The following SUPT7L variants were observed in gnomAD, a reference collection of about 807,000 sequenced individuals.
SUPT7L encodes STAGA complex 65 subunit gamma.
Under a neutral mutation model 35.7 loss-of-function variants are expected in SUPT7L, and 15 were observed. The ratio of observed to expected loss-of-function variants is 0.42; its 90% CI spans 0.28 to 0.65. The LOEUF is 0.65. Ranked by LOEUF, SUPT7L falls within the 30% of genes least tolerant of loss-of-function variation. The pLI is 0.23. For synonymous variants in SUPT7L, 168 were observed against 186.2 expected (o/e 0.90, Z 0.79); for missense variants, 434 against 522.2 (o/e 0.83, Z 1.65).
chr2:27,656,844 G>A (rs899692276), intron 4 of SUPT7L, among the ~76,000 whole-genome samples: 9 of 151,894 alleles, frequency 5.9e-5, no homozygotes, highest in Non-Finnish European at 1.3e-4. Flanking sequence ...TCACTATATT[G>A]TCCAGGCTGG....
intron 2 of SUPT7L, chr2:27,661,878 A>G (rs1267591695): frequency 2.2e-6 from 1 of 461,108 alleles, no homozygotes; most frequent in African/African-American, 2.0e-5. Context: ...GGTTAAAGAT[A>G]ATAAGAAGTG....
chr2:27,654,718 C>G (rs567696747), intron 5 of SUPT7L, among the ~76,000 whole-genome samples: 1 of 152,176 alleles, frequency 6.6e-6, no homozygotes, highest in African/African-American at 2.4e-5. Flanking sequence ...GGGTGCCCAC[C>G]ACCACGCCCA....
chr2:27,644,050 C>G, the SUPT7L span, among the ~76,000 whole-genome samples: 1 of 152,086 alleles, frequency 6.6e-6, no homozygotes. Context: ...CGTGGTCGTG[C>G]ATGTCTGTAA....
downstream of SUPT7L, among the ~76,000 whole-genome samples, chr2:27,649,036 G>A (rs1674379933): frequency 6.6e-6 from 1 of 151,626 alleles, no homozygotes; most frequent in South Asian, 2.1e-4. Flanking sequence ...CTGAGGCCAG[G>A]AGTTCAAGAC....
At chr2:27,649,223 T>C (rs1297618353), downstream of SUPT7L, among the ~76,000 whole-genome samples, 1 of 150,692 alleles carries the variant, frequency 6.6e-6, no homozygotes, top group Non-Finnish European at 1.5e-5. Context: ...CAGGCCTCGG[T>C]AACAAGAGTG....
chr2:27,654,109 T>G (rs796601587), intron 5 of SUPT7L, among the ~76,000 whole-genome samples: 5 of 152,248 alleles, frequency 3.3e-5, no homozygotes, highest in East Asian at 3.9e-4. Context: ...TTGCCTGTCC[T>G]TCCTTCCTTC....
At chr2:27,654,864 C>T (rs13420418) in intron 5 of SUPT7L, among the ~76,000 whole-genome samples, 258 of 152,196 alleles carry the variant, frequency 1.7e-3, no homozygotes, top group African/African-American at 5.7e-3. Flanking sequence ...CTGCGCCCAG[C>T]CGGAAGCCCT....
intron 3 of SUPT7L, among the ~76,000 whole-genome samples, chr2:27,659,833 A>G (rs7560847): frequency 0.42 from 63,655 of 152,108 alleles, 15,354 homozygotes; most frequent in Non-Finnish European, 0.55. Flanking sequence ...GTATACACAC[A>G]CATATGTGAG....
chr2:27,644,001 A>G, the SUPT7L span, among the ~76,000 whole-genome samples: 2 of 152,212 alleles, frequency 1.3e-5, no homozygotes, highest in Non-Finnish European at 2.9e-5. Flanking sequence ...CAACATGGTG[A>G]AACCCCATCT....
chr2:27,653,360 A>T lies in SUPT7L; in HGVS notation c.*125T>A. 2.2e-6 allele frequency: 3 copies of T among 1,383,350 alleles called. No individual in the cohort carries two copies. The highest frequency in any genetic ancestry group is 2.3e-5 in the Admixed American group (1 of 43,036). 85.7% of individuals were successfully genotyped at this position (1,383,350 alleles called of 1,614,324 possible). Reference sequence around the variant, plus strand: ...TTTGGTGACGTCCAGTTCCTCTGGAATTAGGAAAAACCACTTGTGTTTAAG... The same window carrying T: ...TTTGGTGACGTCCAGTTCCTCTGGATTTAGGAAAAACCACTTGTGTTTAAG... On this transcript the variant is annotated 3_prime_UTR_variant, in exon 6 of 6. Coordinates refer to ENST00000337768, the MANE Select transcript of SUPT7L (RefSeq NM_014860.3).
chr2:27,650,414 C>G (rs1674471372), downstream of SUPT7L: 1 of 361,064 alleles, frequency 2.8e-6, no homozygotes, highest in Non-Finnish European at 5.1e-6. Flanking sequence ...ATTCCTTGGC[C>G]TTTCCCTTGT....
chr2:27,653,133 A>C lies in SUPT7L; in HGVS notation c.*352T>G. ...AGTTAGCAAACATCTAAATCCTCAC[A>C]TCTCTACAAGGTAGGTCAAAGTATG... is the stretch of plus-strand genomic sequence containing the variant. On this transcript the variant is annotated 3_prime_UTR_variant, in exon 6 of 6. Transcript: ENST00000337768. 4.1e-6 allele frequency: 1 copy of C among 241,812 alleles called. No homozygotes were observed. Among genetic ancestry groups the C allele is most frequent in the Non-Finnish European group, 8.2e-6 (1 of 122,398 alleles). The allele number at this position is 241,812 out of a possible 1,614,324, so 15.0% of individuals were successfully genotyped here.
chr2:27,661,974 G>T, intron 2 of SUPT7L: 2 of 674,282 alleles, frequency 3.0e-6, no homozygotes, highest in Non-Finnish European at 4.9e-6. Flanking sequence ...TTCAACTTTT[G>T]ACATATAGAA....
At chr2:27,655,251 T>G (rs894129781) in intron 5 of SUPT7L, 114 bp downstream of exon 5, 10 of 880,756 alleles carry the variant, frequency 1.1e-5, no homozygotes, top group African/African-American at 3.3e-5. Flanking sequence ...GGACTTTCCA[T>G]TCTGCCCACT....
chr2:27,648,401 TCA>T (rs1449989437), downstream of SUPT7L, among the ~76,000 whole-genome samples: 1 of 151,980 alleles, frequency 6.6e-6, no homozygotes, highest in African/African-American at 2.4e-5. Context: ...CACCTGTAGT[TCA>T]AGCTGTTTGG....
At chr2:27,661,732 T>A (rs774192542) in intron 2 of SUPT7L, 172 of 738,314 alleles carry the variant, frequency 2.3e-4, no homozygotes, top group Non-Finnish European at 3.1e-4. Context: ...CATCTGGAGC[T>A]CTAGTATCCC....
chr2:27,645,196 C>G, the SUPT7L span, among the ~76,000 whole-genome samples: 2 of 152,148 alleles, frequency 1.3e-5, no homozygotes, highest in African/African-American at 4.8e-5. Flanking sequence ...GTCTTGAACT[C>G]TTGGCCTCAG....
chr2:27,661,437 C>T (rs142583753), intron 2 of SUPT7L, 49 bp from the exon 3 acceptor site: 7 of 1,606,024 alleles, frequency 4.4e-6, no homozygotes, highest in Admixed American at 1.7e-5. Context: ...TAAATGTAGA[C>T]AATAACCTAA....
At chr2:27,662,020 C>T in intron 2 of SUPT7L, 159 bp downstream of exon 2, 2 of 945,762 alleles carry the variant, frequency 2.1e-6, no homozygotes, top group Non-Finnish European at 1.6e-6. Context: ...ACTGGTATCC[C>T]TTCCTCCAAT....
Sources: gnomAD v4.1 joint callset for allele counts (sites outside exome capture counted in the v4.1 genomes callset) on GRCh38, gnomAD v4.1.1 for gene constraint, MANE v1.5 for transcripts, NCBI Gene and HGNC (gene_info 2026-07-23, HGNC 2026-07-21) for gene names.